The following AGBL1 variants were observed in gnomAD, a reference collection of about 807,000 sequenced individuals.
AGBL1 encodes the protein cytosolic carboxypeptidase 4.
In AGBL1, 130 loss-of-function variants were observed where a neutral mutation model predicts 118.9. The observed-to-expected ratio is 1.09, with a 90% CI of 0.95 to 1.26. The LOEUF (loss-of-function observed/expected upper bound fraction) is 1.26. Among genes scored for constraint, AGBL1 ranks in the 50% most tolerant of loss-of-function variants. AGBL1 has a pLI of 0.00. For missense variants in AGBL1, 1,584 were observed against 1,298.1 expected (o/e 1.22, Z -3.38); for synonymous variants, 555 against 478.9 (o/e 1.16, Z -2.08).
intron 24 of AGBL1, among the ~76,000 whole-genome samples, chr15:87,014,301 C>CTTAT (rs2081588874): frequency 6.6e-6 from 1 of 152,094 alleles, no homozygotes; most frequent in African/African-American, 2.4e-5. Context: ...AAATTGCATT[C>CTTAT]TTATTTCAAT....
intron 22 of AGBL1, among the ~76,000 whole-genome samples, chr15:86,699,995 C>T (rs117766476): frequency 0.011 from 1,712 of 152,164 alleles, 21 homozygotes; most frequent in Non-Finnish European, 0.017. Flanking sequence ...ATTATTTCCT[C>T]TACATTTGTT....
intron 17 of AGBL1, among the ~76,000 whole-genome samples, chr15:86,392,140 T>TA (rs2081296806): frequency 6.6e-6 from 1 of 152,166 alleles, no homozygotes; most frequent in African/African-American, 2.4e-5. Flanking sequence ...TATGTATAGA[T>TA]ACCTTTGTAT....
chr15:86,241,367 C>T (rs2078639106), intron 6 of AGBL1, among the ~76,000 whole-genome samples: 2 of 152,172 alleles, frequency 1.3e-5, no homozygotes, highest in Admixed American at 1.3e-4. Context: ...TTATAATGGA[C>T]TTGTAAGAAT....
chr15:86,442,979 G>A (rs543153896), intron 18 of AGBL1, among the ~76,000 whole-genome samples: 1 of 152,190 alleles, frequency 6.6e-6, no homozygotes, highest in South Asian at 2.1e-4. Flanking sequence ...AAAAGTGATG[G>A]GGGCAGGATC....
chr15:86,304,459 T>A (rs752272239), intron 17 of AGBL1, among the ~76,000 whole-genome samples: 3 of 152,222 alleles, frequency 2.0e-5, no homozygotes, highest in Non-Finnish European at 4.4e-5. Context: ...ACCTTGCTAC[T>A]TTTTTTCTTC....
chr15:87,005,690 T>C (rs971807957), intron 24 of AGBL1, among the ~76,000 whole-genome samples: 1 of 152,190 alleles, frequency 6.6e-6, no homozygotes, highest in Non-Finnish European at 1.5e-5. Context: ...TTTCTCTACT[T>C]GTCAAAGTCA....
At chr15:86,157,462 G>A (rs2077207978) in intron 4 of AGBL1, among the ~76,000 whole-genome samples, 1 of 152,130 alleles carries the variant, frequency 6.6e-6, no homozygotes, top group South Asian at 2.1e-4. Context: ...TAAATATAAT[G>A]GTTATGGAGA....
At chr15:86,549,636 C>G (rs1003351866) in intron 20 of AGBL1, among the ~76,000 whole-genome samples, 4 of 151,886 alleles carry the variant, frequency 2.6e-5, no homozygotes, top group Non-Finnish European at 5.9e-5. Flanking sequence ...GAAATCCACG[C>G]TCAGGAAACA....
rs542227580 is a variant in AGBL1 at position 86,223,133 on chromosome 15, T to C, written c.489-1781T>C. ...GGTTTAAGACCTTATTATTACTTAT[T>C]CTCCTGACTGGTCTATTTGCCACCT... On this transcript the variant is annotated intron_variant, in intron 5 of 22. Coordinates refer to ENST00000614907, the MANE Select transcript of AGBL1 (RefSeq NM_001386094.1). Among the ~76,000 whole-genome samples the C allele has an allele frequency of 5.9e-5, 9 of 152,240 alleles. No homozygotes were observed. In the South Asian group the frequency reaches 1.9e-3, roughly 32 times the overall value.
chr15:86,217,658 C>G (rs989070194), intron 5 of AGBL1, among the ~76,000 whole-genome samples: 2 of 151,950 alleles, frequency 1.3e-5, no homozygotes, highest in Admixed American at 6.6e-5. Flanking sequence ...GGAGAAAGGC[C>G]CAGGGCATTT....
chr15:86,703,317 G>T (rs1334595632), intron 22 of AGBL1, among the ~76,000 whole-genome samples: 3 of 152,142 alleles, frequency 2.0e-5, no homozygotes, highest in Non-Finnish European at 4.4e-5. Flanking sequence ...TAACATGGTG[G>T]TAAGAGCTTG....
At chr15:86,823,174 C>T (rs1409303412) in intron 22 of AGBL1, among the ~76,000 whole-genome samples, 1 of 152,062 alleles carries the variant, frequency 6.6e-6, no homozygotes, top group Non-Finnish European at 1.5e-5. Context: ...AACTATAAGG[C>T]ATACAGTACT....
chr15:86,861,294 CAGAG>C (rs1467039723), intron 22 of AGBL1, among the ~76,000 whole-genome samples: 2 of 152,280 alleles, frequency 1.3e-5, no homozygotes, highest in East Asian at 3.9e-4. Flanking sequence ...TACCTGCCCT[CAGAG>C]AGCTTGAAAT....
chr15:86,779,948 C>A (rs1337090239), intron 22 of AGBL1, among the ~76,000 whole-genome samples: 1 of 151,898 alleles, frequency 6.6e-6, no homozygotes, highest in Non-Finnish European at 1.5e-5. Context: ...CACACCCCTA[C>A]ACTTTTCACT....
At chr15:86,508,087 AT>A (rs542364284) in intron 18 of AGBL1, among the ~76,000 whole-genome samples, 3 of 149,704 alleles carry the variant, frequency 2.0e-5, no homozygotes, top group Admixed American at 6.7e-5. Context: ...TGCCCAGCTA[AT>A]TTTTTTTGTA....
chr15:86,803,589 A>G (rs1231231209), intron 22 of AGBL1, among the ~76,000 whole-genome samples: 1 of 152,160 alleles, frequency 6.6e-6, no homozygotes, highest in Non-Finnish European at 1.5e-5. Flanking sequence ...TTTAAATTAT[A>G]TCAGGTTATT....
intron 23 of AGBL1, among the ~76,000 whole-genome samples, chr15:86,975,603 A>G (rs1424308823): frequency 6.6e-6 from 1 of 152,130 alleles, no homozygotes; most frequent in Non-Finnish European, 1.5e-5. Flanking sequence ...CTCCAACCTC[A>G]TCAGCAAATA....
At chr15:86,126,563 C>A (rs1364076949) in intron 1 of AGBL1, among the ~76,000 whole-genome samples, 2 of 152,122 alleles carry the variant, frequency 1.3e-5, no homozygotes, top group African/African-American at 2.4e-5. Flanking sequence ...AGAAATGAGA[C>A]CTCTCTAGGA....
At chr15:86,817,519 G>GCA (rs2078878507) in intron 22 of AGBL1, among the ~76,000 whole-genome samples, 6 of 76,850 alleles carry the variant, frequency 7.8e-5, no homozygotes, top group East Asian at 3.8e-4. Flanking sequence ...AAAGAGACAG[G>GCA]CATACACACA....
Sources: gnomAD v4.1 joint callset for allele counts (sites outside exome capture counted in the v4.1 genomes callset) on GRCh38, gnomAD v4.1.1 for gene constraint, MANE v1.5 for transcripts, NCBI Gene and HGNC (gene_info 2026-07-23, HGNC 2026-07-21) for gene names.